Variants in LUZP2 observed in about 807,000 individuals in gnomAD.
The protein encoded by LUZP2 is leucine zipper protein 2.
LUZP2 carries 52 observed loss-of-function variants against 51.6 expected under a neutral mutation model. That is an observed-to-expected ratio of 1.01 (90% CI 0.81 to 1.27). LUZP2 has a LOEUF of 1.27. Among genes scored for constraint, LUZP2 ranks in the 50% most tolerant of loss-of-function variants. The pLI, the probability that LUZP2 is intolerant of heterozygous loss-of-function variation, is 0.00. For synonymous variants in LUZP2, 154 were observed against 137.3 expected (o/e 1.12, Z -0.85); for missense variants, 436 against 395.4 (o/e 1.10, Z -0.87).
intron 5 of LUZP2, among the ~76,000 whole-genome samples, chr11:24,841,498 A>G (rs1851032398): frequency 6.6e-6 from 1 of 152,054 alleles, no homozygotes. Context: ...AAAAAGGTAA[A>G]GTGGTAGCAG....
At chr11:24,914,689 C>T (rs1475949553) in intron 7 of LUZP2, 151 bp downstream of exon 7, 1 of 614,974 alleles carries the variant, frequency 1.6e-6, no homozygotes, top group Non-Finnish European at 2.9e-6. Flanking sequence ...TTCTTGACAA[C>T]TTAATTAATG....
At chr11:24,638,633 T>G (rs1030671954) in intron 1 of LUZP2, among the ~76,000 whole-genome samples, 1 of 151,608 alleles carries the variant, frequency 6.6e-6, no homozygotes, top group Non-Finnish European at 1.5e-5. Flanking sequence ...AATTATGCAT[T>G]TTGTTAAGAA....
At chr11:24,775,425 A>G (rs1302295269) in intron 5 of LUZP2, among the ~76,000 whole-genome samples, 1 of 152,222 alleles carries the variant, frequency 6.6e-6, no homozygotes, top group Non-Finnish European at 1.5e-5. Context: ...ACATTGGGAC[A>G]GCCAATCCAA....
At chr11:24,834,913 T>A (rs4501983) in intron 5 of LUZP2, among the ~76,000 whole-genome samples, 141,151 of 152,210 alleles carry the variant, frequency 0.93, 66,143 homozygotes, top group East Asian at 1. Flanking sequence ...GTCTTTTCAG[T>A]TTCTTTGCCC....
chr11:24,869,635 G>C (rs1851998533), intron 5 of LUZP2, among the ~76,000 whole-genome samples: 1 of 151,954 alleles, frequency 6.6e-6, no homozygotes, highest in Non-Finnish European at 1.5e-5. Flanking sequence ...ACTGATCTGT[G>C]CTTAGTGAAC....
Position 24,729,196 on chromosome 11 carries a change from G to C in LUZP2, c.90G>C (p.Gln30His), listed in dbSNP as rs1021458176. 1 of 1,573,808 alleles carries C rather than the reference G, an allele frequency of 6.4e-7. No homozygotes were observed. Among genetic ancestry groups the C allele is most frequent in the Non-Finnish European group, 8.7e-7 (1 of 1,153,174 alleles). ...AGGACTATGAAGAGCTAGAAAAGCAGCTGAAAGAAGTCTTTAAGGAGCGAA... is the reference window on the plus strand; with the variant it reads ...AGGACTATGAAGAGCTAGAAAAGCACCTGAAAGAAGTCTTTAAGGAGCGAA... Reference protein sequence around the residue: ...TRQDYEELEKQLKEVFKERST... With the variant: ...TRQDYEELEKHLKEVFKERST... Residue 30 changes from glutamine to histidine, a missense_variant, in exon 2 of 12, where the codon CAG becomes CAC. Physicochemically the swap from Gln to His is conservative, Grantham distance 24 (BLOSUM62 0). Transcript: ENST00000336930.
chr11:25,077,352 GCA>G lies in LUZP2; in HGVS notation c.885_886del (p.His295GlnfsTer7), dbSNP rs1859340739. 6.2e-7 allele frequency: 1 copy of G among 1,612,748 alleles called. No individual in the cohort carries two copies. ...AGGAGGGCAGACCGTGTTCCATGAA[GCA>G]CAAAGAAAGTCCCCCAAGTAATGCC... The part of the protein sequence containing the change: ...QDEGRPCSMK[H>X]KESPPSNATA... On this transcript the variant is annotated frameshift_variant, in exon 11 of 12. Coordinates refer to ENST00000336930, the MANE Select transcript of LUZP2 (RefSeq NM_001009909.4). LOFTEE classifies it high-confidence loss of function.
At chr11:24,744,796 C>T (rs1223558132) in intron 4 of LUZP2, among the ~76,000 whole-genome samples, 1 of 138,666 alleles carries the variant, frequency 7.2e-6, no homozygotes, top group Non-Finnish European at 1.6e-5. Flanking sequence ...GAGGTGTGAC[C>T]TTAGAGTGTC....
intron 5 of LUZP2, among the ~76,000 whole-genome samples, chr11:24,823,395 A>T (rs2134162260): frequency 6.6e-6 from 1 of 152,166 alleles, no homozygotes; most frequent in East Asian, 1.9e-4. Flanking sequence ...TTCAGAAAAA[A>T]AAAAAAAAAA....
intron 1 of LUZP2, among the ~76,000 whole-genome samples, chr11:24,667,416 A>T (rs1163851201): frequency 6.6e-6 from 1 of 151,544 alleles, no homozygotes; most frequent in Non-Finnish European, 1.5e-5. Context: ...CGAACTCCTG[A>T]CCTCGTGATC....
At chr11:24,594,906 T>G (rs1437233713) in intron 1 of LUZP2, among the ~76,000 whole-genome samples, 1 of 151,628 alleles carries the variant, frequency 6.6e-6, no homozygotes, top group Non-Finnish European at 1.5e-5. Flanking sequence ...ATTACAGGCA[T>G]GCACCACCAT....
intron 9 of LUZP2, among the ~76,000 whole-genome samples, chr11:25,003,442 G>C (rs1856749957): frequency 1.3e-5 from 2 of 152,186 alleles, no homozygotes; most frequent in African/African-American, 4.8e-5. Flanking sequence ...TGGTATTTGA[G>C]AGAGCAGGGT....
intron 1 of LUZP2, among the ~76,000 whole-genome samples, chr11:24,719,637 T>C (rs1381730121): frequency 1.3e-5 from 2 of 152,232 alleles, no homozygotes; most frequent in Non-Finnish European, 2.9e-5. Flanking sequence ...CTTATATCCA[T>C]ATACACTTAC....
chr11:24,774,332 TTCTCTCTC>T (rs374302170), intron 5 of LUZP2, among the ~76,000 whole-genome samples: 4 of 41,924 alleles, frequency 9.5e-5, no homozygotes, highest in African/African-American at 3.7e-4. Flanking sequence ...CTTAGTAAAC[TTCTCTCTC>T]TCTCTCTCTC....
At chr11:24,813,487 A>G (rs886281246) in intron 5 of LUZP2, among the ~76,000 whole-genome samples, 13 of 151,918 alleles carry the variant, frequency 8.6e-5, no homozygotes, top group African/African-American at 3.1e-4. Context: ...AGAATGGAGC[A>G]AGAGAGAGAG....
intron 7 of LUZP2, among the ~76,000 whole-genome samples, chr11:24,944,726 C>T (rs1166864496): frequency 6.6e-6 from 1 of 152,062 alleles, no homozygotes; most frequent in African/African-American, 2.4e-5. Context: ...CAACTCAAGG[C>T]ATGAGAGAGA....
At chr11:24,531,789 C>A (rs1305063619) in intron 1 of LUZP2, among the ~76,000 whole-genome samples, 1 of 150,876 alleles carries the variant, frequency 6.6e-6, no homozygotes, top group African/African-American at 2.4e-5. Context: ...AAATATGCAG[C>A]CATTTCAGTA....
chr11:25,016,415 C>T (rs1857158269), intron 9 of LUZP2, among the ~76,000 whole-genome samples: 1 of 151,852 alleles, frequency 6.6e-6, no homozygotes, highest in Admixed American at 6.6e-5. Context: ...TTTTATTTTC[C>T]ATTCCTGGGT....
At position 25,078,656 on chromosome 11, in the gene LUZP2, T is replaced by C; in HGVS notation, c.1039T>C (p.Ter347GlnextTer19). ...GMAAREEKIL[*>Q] ...GGCAGCTAGAGAAGAAAAAATACTG[T>C]AAATACTAAGAAACTGTGTTAAAAA... Residue 347 changes from the stop codon to glutamine (Q), a stop_lost, in exon 12 of 12, where the codon TAA (stop) becomes CAA (glutamine). Transcript: ENST00000336930. The C allele has an allele frequency of 6.3e-7, 1 of 1,595,578 alleles. No individual in the cohort carries two copies. The highest frequency in any genetic ancestry group is 1.1e-5 in the South Asian group (1 of 88,032).
Sources: gnomAD v4.1 joint callset for allele counts (sites outside exome capture counted in the v4.1 genomes callset) on GRCh38, gnomAD v4.1.1 for gene constraint, MANE v1.5 for transcripts, NCBI Gene and HGNC (gene_info 2026-07-23, HGNC 2026-07-21) for gene names.